GSTCD: variants seen among roughly 807,000 people sequenced by gnomAD.
GSTCD encodes the protein glutathione S-transferase C-terminal domain-containing protein.
A neutral mutation model predicts 68.3 loss-of-function variants in GSTCD; 44 were observed. The ratio of observed to expected loss-of-function variants is 0.64; its 90% CI spans 0.51 to 0.83. GSTCD has a LOEUF of 0.83. Ranked by LOEUF, GSTCD falls within the 40% of genes least tolerant of loss-of-function variation. The pLI is 0.00. For missense variants in GSTCD, 739 were observed against 735.9 expected (o/e 1.00, Z -0.05); for synonymous variants, 273 against 255.2 (o/e 1.07, Z -0.67).
chr4:105,816,833 C>T (rs191497880), intron 5 of GSTCD, among the ~76,000 whole-genome samples: 97 of 152,100 alleles, frequency 6.4e-4, no homozygotes, highest in African/African-American at 2.2e-3. Flanking sequence ...TCACCACTTA[C>T]CAGTTGCATG....
In GSTCD at chr4:105,780,898, C is replaced by A. The variant is rs1560825751; in HGVS notation, c.1241-42056C>A. ...TCAAGATATTATTATGTTGCTATAA[C>A]ATTAGTAGAAAAATTCCAGGGAGGC... On this transcript the variant is annotated intron_variant, in intron 5 of 11. Transcript: ENST00000515279. Among the ~76,000 whole-genome samples the A allele has an allele frequency of 2.0e-5, 3 of 152,184 alleles. No individual in the cohort carries two copies. The South Asian group carries it at 6.2e-4, about 32-fold the overall frequency.
At chr4:105,727,240 A>G (rs1042777353) in intron 4 of GSTCD, among the ~76,000 whole-genome samples, 1 of 151,974 alleles carries the variant, frequency 6.6e-6, no homozygotes, top group East Asian at 1.9e-4. Context: ...ATATAAAGAT[A>G]AGGCTGGGTG....
At position 105,845,466 on chromosome 4, in the gene GSTCD, T is replaced by C. The variant is rs753893267; in HGVS notation, c.1791T>C (p.Asp597=). The C allele has an allele frequency of 9.3e-6, 15 of 1,614,150 alleles. No individual in the cohort carries two copies. The highest frequency in any genetic ancestry group is 1.3e-5 in the Non-Finnish European group (15 of 1,180,016). The change falls in exon 12 of 12, where the codon GAT becomes GAC. Residue 597 remains aspartate, a synonymous_variant. Transcript: ENST00000515279. ...LIGKQCMCLV[D]LDRARAAEEC... The stretch of plus-strand genomic sequence containing the variant: ...GAAAACAGTGCATGTGCTTGGTGGA[T>C]CTGGATCGAGCAAGAGCTGCAGAAG...
intron 1 of GSTCD, among the ~76,000 whole-genome samples, chr4:105,712,245 G>A (rs1296208282): frequency 6.6e-6 from 1 of 152,196 alleles, no homozygotes; most frequent in Admixed American, 6.5e-5. Context: ...TTCAATTCAG[G>A]CAGTCAGGAG....
At chr4:105,714,330 T>G (rs1246696550) in intron 1 of GSTCD, among the ~76,000 whole-genome samples, 2 of 152,118 alleles carry the variant, frequency 1.3e-5, no homozygotes, top group Non-Finnish European at 2.9e-5. Context: ...GAATGTAATA[T>G]GGAGTAACAA....
intron 5 of GSTCD, among the ~76,000 whole-genome samples, chr4:105,747,536 C>T (rs1432050823): frequency 6.6e-6 from 1 of 152,166 alleles, no homozygotes; most frequent in African/African-American, 2.4e-5. Context: ...TCTTTGCCAC[C>T]CAGATAACAT....
chr4:105,729,595 A>G, intron 5 of GSTCD, 96 bp downstream of exon 5: 1 of 700,746 alleles, frequency 1.4e-6, no homozygotes, highest in Non-Finnish European at 2.3e-6. Context: ...GCTTTATCTA[A>G]TATTCTGATT....
chr4:105,808,449 A>G (rs1015390707), intron 5 of GSTCD, among the ~76,000 whole-genome samples: 4 of 152,142 alleles, frequency 2.6e-5, no homozygotes, highest in Non-Finnish European at 4.4e-5. Flanking sequence ...CCACTGCTGT[A>G]TCTTAATCTA....
chr4:105,726,684 A>G lies in GSTCD; in HGVS notation c.1000A>G (p.Lys334Glu), dbSNP rs931408493. 1.2e-5 allele frequency: 20 copies of G among 1,614,016 alleles called. No individual in the cohort carries two copies. The highest frequency in any genetic ancestry group is 1.7e-5 in the Non-Finnish European group (20 of 1,179,946). Reference protein sequence around the residue: ...EVPGVKTAASKCGIQFLHLPK... With the variant: ...EVPGVKTAASECGIQFLHLPK... Reference sequence around the variant, plus strand: ...GCCAGGAGTAAAAACAGCAGCTTCTAAGTGTGGGATCCAATTTCTCCATTT... The same window carrying G: ...GCCAGGAGTAAAAACAGCAGCTTCTGAGTGTGGGATCCAATTTCTCCATTT... Residue 334 changes from lysine (K) to glutamate (E), a missense_variant, in exon 4 of 12, where the codon AAG becomes GAG. Physicochemically the swap from Lys to Glu is moderately conservative, Grantham distance 56. Transcript: ENST00000515279.
intron 5 of GSTCD, among the ~76,000 whole-genome samples, chr4:105,799,851 C>G (rs981732303): frequency 6.7e-6 from 1 of 149,956 alleles, no homozygotes; most frequent in Non-Finnish European, 1.5e-5. Flanking sequence ...GTAAAAAACA[C>G]AGTATTTCTA....
intron 7 of GSTCD, 93 bp downstream of exon 7, chr4:105,823,368 C>A: frequency 9.8e-7 from 1 of 1,021,154 alleles, no homozygotes; most frequent in South Asian, 1.3e-5. Context: ...AGTTTCTAGT[C>A]ACTCACCCAA....
intron 8 of GSTCD, chr4:105,827,008 C>G (rs1723659716): frequency 6.6e-6 from 1 of 152,114 alleles, no homozygotes; most frequent in South Asian, 2.1e-4. Flanking sequence ...GTTTCCTTTG[C>G]AGACACGATC....
intron 5 of GSTCD, among the ~76,000 whole-genome samples, chr4:105,814,437 A>G (rs940172255): frequency 1.9e-4 from 29 of 152,046 alleles, no homozygotes; most frequent in Admixed American, 1.2e-3. Flanking sequence ...ACATGGCAAA[A>G]CCTCGTCTCT....
chr4:105,769,585 T>A (rs1161962193), intron 5 of GSTCD, among the ~76,000 whole-genome samples: 1 of 152,220 alleles, frequency 6.6e-6, no homozygotes, highest in Non-Finnish European at 1.5e-5. Flanking sequence ...TTTCTCTTCC[T>A]AGAATCTCCA....
intron 1 of GSTCD, among the ~76,000 whole-genome samples, chr4:105,710,255 T>TG (rs1182941563): frequency 6.8e-6 from 1 of 147,506 alleles, no homozygotes; most frequent in African/African-American, 2.5e-5. Context: ...TTTTTTTTTT[T>TG]GAGCTGGAGT....
intron 5 of GSTCD, among the ~76,000 whole-genome samples, chr4:105,783,295 T>C (rs1735348580): frequency 6.6e-6 from 1 of 152,230 alleles, no homozygotes; most frequent in South Asian, 2.1e-4. Context: ...ATAGGATCTT[T>C]TCATTTTACA....
intron 4 of GSTCD, among the ~76,000 whole-genome samples, chr4:105,727,033 T>A (rs1247893596): frequency 6.6e-6 from 1 of 152,058 alleles, no homozygotes; most frequent in African/African-American, 2.4e-5. Context: ...GTATTATGTA[T>A]TTTTGGAGCC....
Position 105,825,412 on chromosome 4 carries a change from G to T in GSTCD, c.1402-260G>T, listed in dbSNP as rs184765969. ...CCCAAAGTGTTGGGATTACAGGCGT[G>T]AGCCACCACGCCCGGCCCACGCTGT... On this transcript the variant is annotated intron_variant, in intron 7 of 11. Coordinates refer to ENST00000515279, the MANE Select transcript of GSTCD (RefSeq NM_001370181.1). Among the ~76,000 whole-genome samples the T allele has an allele frequency of 3.9e-4, 60 of 152,272 alleles. 1 individual carries two copies. In the East Asian group the frequency reaches 0.011, roughly 28 times the overall value.
intron 1 of GSTCD, among the ~76,000 whole-genome samples, chr4:105,711,959 A>G (rs888641349): frequency 1.3e-5 from 2 of 152,210 alleles, no homozygotes; most frequent in African/African-American, 4.8e-5. Context: ...CACAAAGGTG[A>G]TCTTATTTCT....
Sources: allele counts gnomAD v4.1 joint callset (sites outside exome capture counted in the v4.1 genomes callset), GRCh38; gene constraint gnomAD v4.1.1; transcripts MANE v1.5; gene names NCBI Gene and HGNC (gene_info 2026-07-23, HGNC 2026-07-21).